Variants in CRACD observed in about 807,000 individuals in gnomAD.
CRACD encodes the protein capping protein-inhibiting regulator of actin dynamics.
A neutral mutation model predicts 106.8 loss-of-function variants in CRACD; 56 were observed. That is an observed-to-expected ratio of 0.52 (90% confidence interval 0.42 to 0.66). The LOEUF (loss-of-function observed/expected upper bound fraction) is 0.66, where lower values mean the gene tolerates loss of function less well. CRACD is among the 30% of genes least tolerant of loss of function. The pLI is 0.00. For synonymous variants in CRACD, 754 were observed against 670.8 expected (o/e 1.12, Z -1.92); for missense variants, 1,730 against 1,623.2 (o/e 1.07, Z -1.13).
chr4:56,149,711 T>C (rs1260000418), intron 1 of CRACD, among the ~76,000 whole-genome samples: 11 of 152,218 alleles, frequency 7.2e-5, no homozygotes, highest in Non-Finnish European at 1.5e-5. Flanking sequence ...TTTTCAGAGC[T>C]AGTTTGAATT....
intron 1 of CRACD, among the ~76,000 whole-genome samples, chr4:56,121,020 G>A (rs1385191251): frequency 6.6e-6 from 1 of 152,128 alleles, no homozygotes; most frequent in Non-Finnish European, 1.5e-5. Flanking sequence ...ATTAATCTCA[G>A]AACAGAAGGG....
chr4:56,050,759 G>GAA (rs34255159), intron 1 of CRACD, among the ~76,000 whole-genome samples: 54,505 of 151,886 alleles, frequency 0.36, 11,078 homozygotes, highest in African/African-American at 0.56. Context: ...AGTGGGCAGG[G>GAA]AAAAAATCAT....
At chr4:56,306,104 C>A (rs774156392) in intron 4 of CRACD, among the ~76,000 whole-genome samples, 1 of 152,164 alleles carries the variant, frequency 6.6e-6, no homozygotes, top group Non-Finnish European at 1.5e-5. Context: ...CCTCTCTCCA[C>A]TGGGCCTCAG....
Position 56,315,296 on chromosome 4 carries a change from C to G in CRACD, c.1794C>G (p.Val598=), listed in dbSNP as rs1745525313. ...SLSVPHTAIL[V]TGAQLCGPAV... is the part of the protein sequence containing the mutation. ...GCGTTCCCCACACCGCCATTCTGGTCACGGGCGCGCAGCTCTGTGGCCCGG... is the reference window on the plus strand; with the variant it reads ...GCGTTCCCCACACCGCCATTCTGGTGACGGGCGCGCAGCTCTGTGGCCCGG... Residue 598 remains valine, a synonymous_variant, in exon 8 of 11, where the codon GTC becomes GTG. Transcript: ENST00000682029. This position sits in a 1 kb window ranked among gnomAD's most constrained non-coding sequence, Gnocchi z 4.1. The G allele has an allele frequency of 6.2e-7, 1 of 1,613,608 alleles. No homozygotes were observed. Among genetic ancestry groups the G allele is most frequent in the African/African-American group, 1.3e-5 (1 of 74,924 alleles).
chr4:56,318,421 G>T (rs1745827948), intron 8 of CRACD, among the ~76,000 whole-genome samples: 1 of 152,110 alleles, frequency 6.6e-6, no homozygotes, highest in Admixed American at 6.6e-5. Context: ...CCCGTTTTTG[G>T]TTTTGCCACT....
chr4:56,136,409 C>T (rs1735001950), intron 1 of CRACD, among the ~76,000 whole-genome samples: 1 of 152,172 alleles, frequency 6.6e-6, no homozygotes, highest in African/African-American at 2.4e-5. Context: ...GCTCCACATC[C>T]TCACCAATAA....
chr4:56,103,763 A>T (rs192359406), intron 1 of CRACD, among the ~76,000 whole-genome samples: 1 of 152,336 alleles, frequency 6.6e-6, no homozygotes, highest in East Asian at 1.9e-4. Context: ...TAAAACACAA[A>T]ATAGCCACAA....
chr4:56,165,351 T>C (rs1178441822), intron 1 of CRACD, among the ~76,000 whole-genome samples: 2 of 152,206 alleles, frequency 1.3e-5, no homozygotes, highest in African/African-American at 2.4e-5. Flanking sequence ...GGCTAACAGC[T>C]CTCATTTATT....
chr4:56,233,780 A>G (rs1036508308), intron 2 of CRACD, among the ~76,000 whole-genome samples: 1 of 152,214 alleles, frequency 6.6e-6, no homozygotes, highest in African/African-American at 2.4e-5. Context: ...TCTATAAGTC[A>G]ATTTGGGTAG....
rs1744150743 is a variant in CRACD at position 56,298,081 on chromosome 4, A to T, written c.-16-133A>T. The T allele has an allele frequency of 3.1e-6, 3 of 971,002 alleles. No homozygotes were observed. The Admixed American group carries it at 7.5e-5, about 24-fold the overall frequency. The allele number at this position is 971,002 out of a possible 1,614,324, so 60.1% of individuals were successfully genotyped here. On this transcript the variant is annotated intron_variant, in intron 3 of 10. Coordinates refer to ENST00000682029, the MANE Select transcript of CRACD (RefSeq NM_001393381.1). Reference sequence around the variant, plus strand: ...CTTGGCTGACCCCCAGCAGACAGGGACACAATGCTGAAAGTGCTTGCCGAA... The same window carrying T: ...CTTGGCTGACCCCCAGCAGACAGGGTCACAATGCTGAAAGTGCTTGCCGAA...
chr4:56,260,058 G>A (rs926304148), intron 2 of CRACD, among the ~76,000 whole-genome samples: 1 of 152,190 alleles, frequency 6.6e-6, no homozygotes, highest in African/African-American at 2.4e-5. Context: ...AGGGAATATA[G>A]AATGGTTAGC....
chr4:56,135,422 G>A (rs918824299), intron 1 of CRACD, among the ~76,000 whole-genome samples: 1 of 152,168 alleles, frequency 6.6e-6, no homozygotes, highest in African/African-American at 2.4e-5. Flanking sequence ...TCCAGGTAAG[G>A]GACTAGGCCA....
At chr4:56,192,682 G>GA (rs954993291) in intron 2 of CRACD, among the ~76,000 whole-genome samples, 2 of 151,316 alleles carry the variant, frequency 1.3e-5, no homozygotes, top group Admixed American at 6.6e-5. Context: ...CTTTGGGAAA[G>GA]AAAAAAAACC....
intron 1 of CRACD, among the ~76,000 whole-genome samples, chr4:56,173,430 T>G (rs550141238): frequency 2.2e-4 from 33 of 152,354 alleles, no homozygotes; most frequent in African/African-American, 6.5e-4. Context: ...GAACTCCAAA[T>G]ATGAGTGTTC....
chr4:56,057,703 C>T (rs1346331888), intron 1 of CRACD, among the ~76,000 whole-genome samples: 14 of 148,042 alleles, frequency 9.5e-5, no homozygotes, highest in Admixed American at 4.1e-4. Flanking sequence ...CAGCTCACTG[C>T]AACCTCTGTC....
intron 2 of CRACD, among the ~76,000 whole-genome samples, chr4:56,239,303 T>G (rs1740217035): frequency 6.6e-6 from 1 of 151,588 alleles, no homozygotes; most frequent in Non-Finnish European, 1.5e-5. Context: ...TAATAAATAT[T>G]ATTATTTAAT....
rs1262829175 is a variant in CRACD, at chr4:56,316,550, C to A, written c.3048C>A (p.Pro1016=). ...EDQESSDRRP[P]SPPGPEERKG... is the part of the protein sequence containing the mutation. ...AGGAGAGCAGTGACCGCCGGCCACC[C>A]TCGCCCCCAGGCCCCGAGGAAAGGA... The change falls in exon 8 of 11, where the codon CCC becomes CCA. Residue 1016 remains proline (P), a synonymous_variant. Transcript: ENST00000682029. 6.2e-7 allele frequency: 1 copy of A among 1,613,258 alleles called. No homozygotes were observed. The highest frequency in any genetic ancestry group is 1.3e-5 in the African/African-American group (1 of 74,912).
intron 4 of CRACD, chr4:56,301,191 AATC>A (rs1486968379): frequency 1.2e-5 from 15 of 1,280,388 alleles, no homozygotes; most frequent in African/African-American, 1.5e-5. Flanking sequence ...GATATAACTG[AATC>A]ATCCCCAAAA....
chr4:56,314,883 C>T lies in CRACD; in HGVS notation c.1381C>T (p.Arg461Ter). ...CEEQNPEAERRREQQGRSGDF... is the reference protein window; with the variant it reads ...CEEQNPEAER Reference sequence around the variant, plus strand: ...GGAGCAGAACCCAGAGGCCGAGCGGCGAAGAGAGCAGCAGGGAAGGAGCGG... The same window carrying T: ...GGAGCAGAACCCAGAGGCCGAGCGGTGAAGAGAGCAGCAGGGAAGGAGCGG... Residue 461 changes from arginine (R) to a stop codon, truncating the protein, a stop_gained, in exon 8 of 11, where the codon CGA (arginine) becomes TGA (stop). Transcript: ENST00000682029. LOFTEE classifies it high-confidence loss of function. The surrounding 1 kb of genome is among the most constrained non-coding windows in gnomAD (Gnocchi z 4.4). 1 of 1,611,030 alleles carries T rather than the reference C, an allele frequency of 6.2e-7. No individual in the cohort carries two copies. Among genetic ancestry groups the T allele is most frequent in the Non-Finnish European group, 8.5e-7 (1 of 1,179,232 alleles).
Sources: gnomAD v4.1 joint callset for allele counts (sites outside exome capture counted in the v4.1 genomes callset) on GRCh38, gnomAD v4.1.1 for gene constraint, Gnocchi (gnomAD v3.1) non-coding constraint, MANE v1.5 for transcripts, NCBI Gene and HGNC (gene_info 2026-07-23, HGNC 2026-07-21) for gene names.